The following PPFIBP2 variants were observed in gnomAD, a reference collection of about 807,000 sequenced individuals.
The protein encoded by PPFIBP2 is liprin-beta-2.
A neutral mutation model predicts 118.3 loss-of-function variants in PPFIBP2; 118 were observed. The observed-to-expected ratio is 1.00, with a 90% CI of 0.86 to 1.16. The LOEUF (loss-of-function observed/expected upper bound fraction) is 1.16. Ranked by LOEUF, PPFIBP2 falls within the 50% of genes most tolerant of loss-of-function variation. The pLI, the probability that PPFIBP2 is intolerant of heterozygous loss-of-function variation, is 0.00. For missense variants in PPFIBP2, 1,195 were observed against 1,073.1 expected, an observed-to-expected ratio of 1.11 and a Z score of -1.59; for synonymous variants, 414 against 397.4, an observed-to-expected ratio of 1.04 and a Z score of -0.50.
chr11:7,645,372 GAACTGTA>G (rs1185469270), intron 17 of PPFIBP2, among the ~76,000 whole-genome samples: 1 of 152,164 alleles, frequency 6.6e-6, no homozygotes, highest in Non-Finnish European at 1.5e-5. Flanking sequence ...ACTCACTAAT[GAACTGTA>G]AATTATAAAT....
intron 3 of PPFIBP2, among the ~76,000 whole-genome samples, chr11:7,570,919 A>G (rs1311339421): frequency 6.6e-6 from 1 of 152,202 alleles, no homozygotes; most frequent in African/African-American, 2.4e-5. Flanking sequence ...TCTGGGGGCT[A>G]TATGGAGTGG....
At chr11:7,571,142 C>G (rs935671574) in intron 3 of PPFIBP2, among the ~76,000 whole-genome samples, 2 of 152,208 alleles carry the variant, frequency 1.3e-5, no homozygotes, top group African/African-American at 4.8e-5. Flanking sequence ...CTGGCCCCAG[C>G]TGGGATAAGT....
downstream of PPFIBP2, among the ~76,000 whole-genome samples, chr11:7,660,358 AG>A (rs1392184323): frequency 8.0e-4 from 90 of 112,946 alleles, 1 homozygote; most frequent in African/African-American, 2.3e-3. Flanking sequence ...TTTAGCATGA[AG>A]GGTTGTTGAA....
chr11:7,514,284 G>C (rs998747947), intron 1 of PPFIBP2, among the ~76,000 whole-genome samples, 163 bp downstream of exon 1: 1 of 152,230 alleles, frequency 6.6e-6, no homozygotes, highest in African/African-American at 2.4e-5. Context: ...GCTCGAGGAC[G>C]GGGACCCTTC....
intron 3 of PPFIBP2, among the ~76,000 whole-genome samples, chr11:7,591,317 C>T (rs1859259836): frequency 6.6e-6 from 1 of 151,786 alleles, no homozygotes; most frequent in Non-Finnish European, 1.5e-5. Flanking sequence ...CTAGGTGGCT[C>T]CGTGTCCATG....
chr11:7,577,330 T>TGC (rs72088699), intron 3 of PPFIBP2: 41,522 of 240,454 alleles, frequency 0.17, 2,673 homozygotes, highest in Admixed American at 0.25. Context: ...CGTGTGTGTG[T>TGC]GTGTGTGTGT....
In PPFIBP2 at chr11:7,628,357, C is replaced by G. The variant is rs760610431; in HGVS notation, c.888+11C>G. 11 of 1,612,662 alleles carry G rather than the reference C, an allele frequency of 6.8e-6. No homozygotes were observed. The highest frequency in any genetic ancestry group is 1.7e-4 in the Middle Eastern group (1 of 6,052). ...GCCAATGAAGATAAGGTAAGATGGTCATTGGGTAGCCCTGTCTTTTCCATG... is the reference window on the plus strand; with the variant it reads ...GCCAATGAAGATAAGGTAAGATGGTGATTGGGTAGCCCTGTCTTTTCCATG... On this transcript the variant is annotated intron_variant, in intron 9 of 23. Coordinates refer to ENST00000299492, the MANE Select transcript of PPFIBP2 (RefSeq NM_003621.5).
intron 21 of PPFIBP2, 150 bp downstream of exon 21, chr11:7,649,804 C>T: frequency 8.0e-7 from 1 of 1,249,098 alleles, no homozygotes; most frequent in Non-Finnish European, 1.1e-6. Flanking sequence ...TCCTGTTGCC[C>T]CAAACATCCG....
intron 13 of PPFIBP2, 94 bp from the exon 14 acceptor site, chr11:7,635,457 AT>A (rs1340556683): frequency 2.4e-6 from 3 of 1,259,134 alleles, no homozygotes; most frequent in Non-Finnish European, 3.5e-6. Flanking sequence ...CGCCTTTCAG[AT>A]TTAAGCAAAC....
At chr11:7,655,243 C>A (rs1854572066), downstream of PPFIBP2, among the ~76,000 whole-genome samples, 1 of 152,158 alleles carries the variant, frequency 6.6e-6, no homozygotes. Flanking sequence ...GATGCCTTTC[C>A]CCAGGAAACA....
intron 11 of PPFIBP2, 181 bp from the exon 12 acceptor site, chr11:7,632,686 A>AT: frequency 3.7e-6 from 2 of 543,508 alleles, no homozygotes; most frequent in Admixed American, 5.6e-5. Context: ...AGATGGACTG[A>AT]TAAGCCTACC....
intron 14 of PPFIBP2, 96 bp downstream of exon 14, chr11:7,635,689 C>A: frequency 7.3e-7 from 1 of 1,374,768 alleles, no homozygotes; most frequent in Non-Finnish European, 1.0e-6. Context: ...TTAAAATGTG[C>A]CAACTGTAAG....
chr11:7,520,223 A>T (rs755877761), intron 1 of PPFIBP2, among the ~76,000 whole-genome samples: 3 of 152,226 alleles, frequency 2.0e-5, no homozygotes, highest in Admixed American at 6.5e-5. Flanking sequence ...GGGGTTTTAC[A>T]GTCTCCTGTA....
At chr11:7,604,522 T>C (rs1847098949) in intron 5 of PPFIBP2, among the ~76,000 whole-genome samples, 2 of 136,064 alleles carry the variant, frequency 1.5e-5, no homozygotes, top group Non-Finnish European at 1.6e-5. Flanking sequence ...AGACACACCC[T>C]CCACACACCT....
chr11:7,565,430 C>A, intron 2 of PPFIBP2, 123 bp from the exon 3 acceptor site: 2 of 999,314 alleles, frequency 2.0e-6, no homozygotes, highest in Non-Finnish European at 3.1e-6. Flanking sequence ...ACCGCCATGC[C>A]CAGCTCACCC....
intron 2 of PPFIBP2, among the ~76,000 whole-genome samples, chr11:7,555,517 GT>G (rs1452672469): frequency 6.6e-6 from 1 of 152,228 alleles, no homozygotes; most frequent in Non-Finnish European, 1.5e-5. Flanking sequence ...GACTGATCTT[GT>G]CCCCGGCTTC....
At chr11:7,558,600 AC>A (rs1262915008) in intron 2 of PPFIBP2, among the ~76,000 whole-genome samples, 1 of 152,142 alleles carries the variant, frequency 6.6e-6, no homozygotes, top group Non-Finnish European at 1.5e-5. Flanking sequence ...CTAAAAAAAT[AC>A]AAAAATTAGC....
intron 5 of PPFIBP2, among the ~76,000 whole-genome samples, chr11:7,607,464 C>G (rs922353110): frequency 1.9e-4 from 29 of 151,994 alleles, no homozygotes; most frequent in Admixed American, 3.3e-4. Context: ...TCAAATGATC[C>G]ACCCACCTCA....
rs962096326 is a variant in PPFIBP2, at chr11:7,605,911, G to A, written c.487-4380G>A. The A allele has an allele frequency of 7.2e-6, 11 of 1,517,814 alleles. No individual in the cohort carries two copies. The African/African-American group carries it at 9.7e-5, about 13-fold the overall frequency. 94.0% of individuals were successfully genotyped at this position (1,517,814 alleles called of 1,614,324 possible). On this transcript the variant is annotated intron_variant, in intron 5 of 23. Transcript: ENST00000299492. ...GAAGCTGAACGAAATGGAAAGCAAA[G>A]CCTGTTGGAGCTGAGGTCAAAGAAT...
Sources: allele counts gnomAD v4.1 joint callset (sites outside exome capture counted in the v4.1 genomes callset), GRCh38; gene constraint gnomAD v4.1.1; transcripts MANE v1.5; gene names NCBI Gene and HGNC (gene_info 2026-07-23, HGNC 2026-07-21).